The following CRACDL variants were observed in gnomAD, a reference collection of about 807,000 sequenced individuals.
CRACDL encodes CRACD like.
A neutral mutation model predicts 70.6 loss-of-function variants in CRACDL; 26 were observed. That is an observed-to-expected ratio of 0.37 (90% CI 0.27 to 0.51). The LOEUF is 0.51. Ranked by LOEUF, CRACDL falls within the 20% of genes least tolerant of loss-of-function variation. CRACDL has a pLI of 0.94. For missense variants in CRACDL, 1,283 were observed against 1,376.9 expected (o/e 0.93, Z 1.08); for synonymous variants, 618 against 615.2 (o/e 1.00, Z -0.07).
intron 1 of CRACDL, among the ~76,000 whole-genome samples, chr2:98,847,285 C>A (rs370648714): frequency 1.3e-5 from 2 of 152,340 alleles, no homozygotes; most frequent in African/African-American, 4.8e-5. Context: ...GGAAGCTTGA[C>A]TTCCTGATTT....
chr2:98,821,967 T>C lies in CRACDL; in HGVS notation c.2306A>G (p.Gln769Arg). The change falls in exon 7 of 10, where the codon CAG (glutamine) becomes CGG (arginine). Residue 769 changes from glutamine to arginine, a missense_variant. Gln to Arg is a conservative substitution (Grantham distance 43, BLOSUM62 1). Transcript: ENST00000397899. Reference protein sequence around the residue: ...KPPLPRKPLLQSFTLPHQPAP... With the variant: ...KPPLPRKPLLRSFTLPHQPAP... Reference sequence around the variant, plus strand: ...GGGCTGGTGCGGGAGCGTGAAGCTCTGCAGAAGCGGCTTCCGGGGCAGGGG... The same window carrying C: ...GGGCTGGTGCGGGAGCGTGAAGCTCCGCAGAAGCGGCTTCCGGGGCAGGGG... 1 of 1,537,570 alleles carries C rather than the reference T, an allele frequency of 6.5e-7. No homozygotes were observed. Among genetic ancestry groups the C allele is most frequent in the Non-Finnish European group, 8.7e-7 (1 of 1,143,172 alleles).
intron 9 of CRACDL, 82 bp from the exon 10 acceptor site, chr2:98,794,753 T>G: frequency 8.1e-7 from 1 of 1,234,076 alleles, no homozygotes; most frequent in South Asian, 1.3e-5. Flanking sequence ...TTTCTCGAAC[T>G]AGACATCGAG....
Position 98,821,862 on chromosome 2 carries a change from C to A in CRACDL, c.2411G>T (p.Gly804Val), listed in dbSNP as rs778498299. The A allele has an allele frequency of 6.2e-7, 1 of 1,607,404 alleles. No individual in the cohort carries two copies. The highest frequency in any genetic ancestry group is 8.5e-7 in the Non-Finnish European group (1 of 1,178,828). The change falls in exon 7 of 10, where the codon GGA becomes GTA. Residue 804 changes from glycine to valine, a missense_variant. Coordinates refer to ENST00000397899, the MANE Select transcript of CRACDL (RefSeq NM_207362.3). Reference protein sequence around the residue: ...RTAEKRPLRRGAEKSLPPAAT... With the variant: ...RTAEKRPLRRVAEKSLPPAAT... Reference sequence around the variant, plus strand: ...CACCCTCGGCGGGCTCTTACCAGCTCCCCTGCGCAGCGGCCTTTTCTCCGC... The same window carrying A: ...CACCCTCGGCGGGCTCTTACCAGCTACCCTGCGCAGCGGCCTTTTCTCCGC...
At chr2:98,866,459 G>A (rs940426905) in intron 1 of CRACDL, among the ~76,000 whole-genome samples, 1 of 138,638 alleles carries the variant, frequency 7.2e-6, no homozygotes, top group African/African-American at 2.6e-5. Flanking sequence ...CCTGATAGAT[G>A]AAACAATCAC....
chr2:98,859,736 G>A (rs931730712), intron 1 of CRACDL, among the ~76,000 whole-genome samples: 5 of 152,056 alleles, frequency 3.3e-5, no homozygotes, highest in East Asian at 1.9e-4. Flanking sequence ...GCTTTTCCCC[G>A]GAGATAAGAA....
At position 98,822,667 on chromosome 2, in the gene CRACDL, C is replaced by T. The variant is rs1450518410; in HGVS notation, c.1606G>A (p.Ala536Thr). The T allele has an allele frequency of 2.3e-6, 3 of 1,281,968 alleles. No individual in the cohort carries two copies. Among genetic ancestry groups the T allele is most frequent in the African/African-American group, 1.6e-5 (1 of 64,056 alleles). 79.4% of individuals were successfully genotyped at this position (1,281,968 alleles called of 1,614,324 possible). ...GPGSLDAEAA[A>T]PERPKAERAE... ...CGCTCGGCCTTGGGGCGCTCCGGGGCGGCGGCCTCTGCGTCGAGGGAACCG... is the reference window on the plus strand; with the variant it reads ...CGCTCGGCCTTGGGGCGCTCCGGGGTGGCGGCCTCTGCGTCGAGGGAACCG... Residue 536 changes from alanine (A) to threonine (T), a missense_variant, in exon 7 of 10, where the codon GCC (alanine) becomes ACC (threonine). Around this residue, in one of 2 missense-constraint regions of CRACDL, gnomAD observed 921 missense variants for 881.9 expected, o/e 1.04. Coordinates refer to ENST00000397899, the MANE Select transcript of CRACDL (RefSeq NM_207362.3). The surrounding 1 kb of genome is among the most constrained non-coding windows in gnomAD (Gnocchi z 4.9).
At chr2:98,923,699 C>A (rs1483661660) in intron 1 of CRACDL, among the ~76,000 whole-genome samples, 1 of 152,144 alleles carries the variant, frequency 6.6e-6, no homozygotes, top group African/African-American at 2.4e-5. Flanking sequence ...AAATATGACA[C>A]CTAGACAAGT....
intron 7 of CRACDL, among the ~76,000 whole-genome samples, chr2:98,806,908 G>A (rs929424978): frequency 6.6e-6 from 1 of 152,132 alleles, no homozygotes; most frequent in Non-Finnish European, 1.5e-5. Context: ...CATTCCAGGG[G>A]CAGCTATTGT....
Position 98,814,322 on chromosome 2 carries a change from A to G in CRACDL, c.2416+7535T>C, listed in dbSNP as rs193147972. 2.0e-5 allele frequency among the ~76,000 whole-genome samples: 3 copies of G among 152,214 alleles called. No homozygotes were observed. In the East Asian group the frequency reaches 5.8e-4, roughly 29 times the overall value. ...GTTGAGTTTCCCTAAGTACCAGTTT[A>G]TCTGCATTCCACAAATTTTGATATG... On this transcript the variant is annotated intron_variant, in intron 7 of 9. Transcript: ENST00000397899.
At chr2:98,901,096 C>T (rs977142293) in intron 1 of CRACDL, among the ~76,000 whole-genome samples, 1 of 152,212 alleles carries the variant, frequency 6.6e-6, no homozygotes, top group African/African-American at 2.4e-5. Flanking sequence ...CTGAGTTTTT[C>T]CCTTGGCTCC....
chr2:98,877,205 T>C (rs1218088105), intron 1 of CRACDL, among the ~76,000 whole-genome samples: 1 of 152,208 alleles, frequency 6.6e-6, no homozygotes, highest in African/African-American at 2.4e-5. Context: ...ACCCTCGACT[T>C]TACCACTAAC....
intron 1 of CRACDL, among the ~76,000 whole-genome samples, chr2:98,877,475 G>C (rs1195524166): frequency 6.6e-6 from 1 of 152,182 alleles, no homozygotes; most frequent in East Asian, 1.9e-4. Context: ...AATTTAGTTG[G>C]TGGCTCATGC....
intron 1 of CRACDL, among the ~76,000 whole-genome samples, chr2:98,908,915 A>G (rs1419621476): frequency 6.6e-6 from 1 of 152,230 alleles, no homozygotes. Flanking sequence ...TATTTGTATC[A>G]GTAAATTTGC....
At chr2:98,811,796 T>C (rs1349793025) in intron 7 of CRACDL, among the ~76,000 whole-genome samples, 1 of 152,162 alleles carries the variant, frequency 6.6e-6, no homozygotes, top group African/African-American at 2.4e-5. Flanking sequence ...ATAATTCAGT[T>C]TGCAATTTTG....
At chr2:98,815,875 C>A (rs1704763813) in intron 7 of CRACDL, among the ~76,000 whole-genome samples, 1 of 152,300 alleles carries the variant, frequency 6.6e-6, no homozygotes, top group Non-Finnish European at 1.5e-5. Context: ...GCCACCAGGG[C>A]AAGTAGTTTC....
intron 2 of CRACDL, among the ~76,000 whole-genome samples, chr2:98,841,257 GTAAT>G (rs1194694090): frequency 6.6e-6 from 1 of 151,886 alleles, no homozygotes; most frequent in African/African-American, 2.4e-5. Context: ...AACAATTAAT[GTAAT>G]TAATTAATTT....
chr2:98,881,686 A>C (rs1707655679), intron 1 of CRACDL, among the ~76,000 whole-genome samples: 2 of 152,194 alleles, frequency 1.3e-5, no homozygotes, highest in African/African-American at 2.4e-5. Context: ...ACCCACAAGG[A>C]CAAGGAGCTG....
chr2:98,863,689 C>A (rs1707022445), intron 1 of CRACDL, among the ~76,000 whole-genome samples: 1 of 152,204 alleles, frequency 6.6e-6, no homozygotes, highest in African/African-American at 2.4e-5. Context: ...CCGTCTCTTG[C>A]AATGCTGGGC....
intron 1 of CRACDL, among the ~76,000 whole-genome samples, chr2:98,907,038 T>C (rs1708432891): frequency 3.9e-5 from 6 of 152,162 alleles, no homozygotes; most frequent in Admixed American, 3.3e-4. Flanking sequence ...ACAACTGTAA[T>C]CCCAGCACTT....
Sources: gnomAD v4.1 joint callset for allele counts (sites outside exome capture counted in the v4.1 genomes callset) on GRCh38, gnomAD v4.1.1 for gene constraint, gnomAD v4.1.1 regional missense constraint, Gnocchi (gnomAD v3.1) non-coding constraint, MANE v1.5 for transcripts, NCBI Gene and HGNC (gene_info 2026-07-23, HGNC 2026-07-21) for gene names.